PINX1: variants seen among roughly 807,000 people sequenced by gnomAD.
The protein encoded by PINX1 is PIN2 (TERF1) interacting telomerase inhibitor 1, also known as PIN2/TERF1-interacting telomerase inhibitor 1.
PINX1 carries 34 observed loss-of-function variants against 25.4 expected under a neutral mutation model. The ratio of observed to expected loss-of-function variants is 1.34; its 90% confidence interval spans 1.02 to 1.78. The LOEUF is 1.78. PINX1 is among the 40% of genes most tolerant of loss of function. PINX1 has a pLI of 0.00. For synonymous variants in PINX1, 197 were observed against 147.7 expected, an observed-to-expected ratio of 1.33 and a Z score of -2.42; for missense variants, 592 against 404.9, an observed-to-expected ratio of 1.46 and a Z score of -3.97.
intron 6 of PINX1, among the ~76,000 whole-genome samples, chr8:10,817,011 C>A (rs1227146249): frequency 6.6e-6 from 1 of 152,172 alleles, no homozygotes; most frequent in African/African-American, 2.4e-5. Context: ...AATTGGAATT[C>A]TACGATGGCA....
At chr8:10,801,632 G>C (rs1586169621) in intron 6 of PINX1, among the ~76,000 whole-genome samples, 1 of 152,186 alleles carries the variant, frequency 6.6e-6, no homozygotes, top group Non-Finnish European at 1.5e-5. Flanking sequence ...TTTCCAGTGT[G>C]ATCCAAAGTC....
intron 1 of PINX1, among the ~76,000 whole-genome samples, chr8:10,836,015 G>C (rs1798395329): frequency 2.0e-5 from 3 of 152,100 alleles, no homozygotes; most frequent in Non-Finnish European, 4.4e-5. Context: ...GAGAAATTTG[G>C]AGGTGTCATT....
chr8:10,772,590 G>A (rs1284881669), intron 6 of PINX1, among the ~76,000 whole-genome samples: 4 of 152,192 alleles, frequency 2.6e-5, no homozygotes, highest in Admixed American at 6.5e-5. Flanking sequence ...TAGGCTAAAC[G>A]CACCAAGTCT....
At chr8:10,832,481 A>C (rs1222253993) in intron 3 of PINX1, among the ~76,000 whole-genome samples, 1 of 152,192 alleles carries the variant, frequency 6.6e-6, no homozygotes, top group Non-Finnish European at 1.5e-5. Context: ...CTATCCCTCA[A>C]CAACTACATT....
chr8:10,838,517 T>G (rs1798473540), intron 1 of PINX1, among the ~76,000 whole-genome samples: 1 of 152,244 alleles, frequency 6.6e-6, no homozygotes, highest in Non-Finnish European at 1.5e-5. Flanking sequence ...AGAGAAGATT[T>G]TGTGGCCTCA....
intron 4 of PINX1, among the ~76,000 whole-genome samples, chr8:10,826,738 G>A (rs1034832915): frequency 3.3e-5 from 5 of 152,154 alleles, no homozygotes; most frequent in Non-Finnish European, 7.4e-5. Context: ...CTTAGTCAGA[G>A]GTCCATCTAC....
At chr8:10,771,174 T>C (rs1248138861) in intron 6 of PINX1, 1 of 152,244 alleles carries the variant, frequency 6.6e-6, no homozygotes, top group Non-Finnish European at 1.5e-5. Flanking sequence ...ACACAAATTA[T>C]GTCTTCATGT....
At chr8:10,824,100 T>C (rs188165262) in intron 5 of PINX1, among the ~76,000 whole-genome samples, 2 of 152,196 alleles carry the variant, frequency 1.3e-5, no homozygotes, top group Non-Finnish European at 2.9e-5. Flanking sequence ...AAAAGTTCCA[T>C]GAAATGGGTC....
intron 6 of PINX1, among the ~76,000 whole-genome samples, chr8:10,785,639 T>C (rs1801724235): frequency 6.6e-6 from 1 of 152,232 alleles, no homozygotes; most frequent in Admixed American, 6.5e-5. Context: ...TTTTTTCCTC[T>C]AGAACAAAAG....
chr8:10,772,131 G>A (rs1801245813), intron 6 of PINX1, among the ~76,000 whole-genome samples: 1 of 152,254 alleles, frequency 6.6e-6, no homozygotes, highest in African/African-American at 2.4e-5. Context: ...TGCTAAAGAA[G>A]AGAACTGTTC....
intron 6 of PINX1, among the ~76,000 whole-genome samples, chr8:10,816,174 T>C (rs1339915641): frequency 1.3e-5 from 2 of 152,140 alleles, no homozygotes; most frequent in Non-Finnish European, 2.9e-5. Flanking sequence ...AATCCACAAA[T>C]GTGATAAAGG....
chr8:10,830,985 T>G (rs1798211781), intron 4 of PINX1, among the ~76,000 whole-genome samples: 1 of 152,166 alleles, frequency 6.6e-6, no homozygotes, highest in South Asian at 2.1e-4. Context: ...GTTGCAGAGG[T>G]ACCTGCAAAC....
At chr8:10,836,285 GA>G (rs201389181) in intron 1 of PINX1, among the ~76,000 whole-genome samples, 2 of 151,046 alleles carry the variant, frequency 1.3e-5, no homozygotes, top group African/African-American at 2.4e-5. Flanking sequence ...GTGTTTTGCA[GA>G]AAAAAAAAGG....
chr8:10,832,754 G>C, intron 3 of PINX1, 138 bp downstream of exon 3: 2 of 542,012 alleles, frequency 3.7e-6, no homozygotes, highest in Non-Finnish European at 3.4e-6. Flanking sequence ...CATTCAAAGC[G>C]TCAGTGTTCA....
chr8:10,776,063 A>G (rs1012751297), intron 6 of PINX1, among the ~76,000 whole-genome samples: 1 of 152,172 alleles, frequency 6.6e-6, no homozygotes, highest in African/African-American at 2.4e-5. Context: ...TCACAATTCT[A>G]GCATTCATTA....
At chr8:10,834,875 G>A (rs967942909) in intron 1 of PINX1, 100 bp from the exon 2 acceptor site, 3 of 753,134 alleles carry the variant, frequency 4.0e-6, no homozygotes, top group African/African-American at 3.5e-5. Context: ...ATGTATGTAT[G>A]TAAAATATGA....
rs550218454 is a variant in PINX1 at position 10,795,735 on chromosome 8, G to C, written c.471+24458C>G. On this transcript the variant is annotated intron_variant, in intron 6 of 6. Coordinates refer to ENST00000314787, the MANE Select transcript of PINX1 (RefSeq NM_017884.6). ...AAGAAAAAATCCCAAGACTCTCAAA[G>C]CATACTGTATTACCTAAATAGGTAA... 3.9e-5 allele frequency among the ~76,000 whole-genome samples: 6 copies of C among 152,188 alleles called. No homozygotes were observed. The South Asian group carries it at 1.2e-3, about 32-fold the overall frequency.
chr8:10,829,078 G>A (rs779815102), intron 4 of PINX1, among the ~76,000 whole-genome samples: 1 of 152,154 alleles, frequency 6.6e-6, no homozygotes, highest in African/African-American at 2.4e-5. Flanking sequence ...ACAAGGTCAG[G>A]AGTTGGAGAC....
chr8:10,804,995 T>C (rs191810303), intron 6 of PINX1, among the ~76,000 whole-genome samples: 2 of 151,568 alleles, frequency 1.3e-5, no homozygotes, highest in East Asian at 3.9e-4. Flanking sequence ...CGGAATGAAG[T>C]GAAGACTGGT....
Sources: gnomAD v4.1 joint callset for allele counts (sites outside exome capture counted in the v4.1 genomes callset) on GRCh38, gnomAD v4.1.1 for gene constraint, MANE v1.5 for transcripts, NCBI Gene and HGNC (gene_info 2026-07-23, HGNC 2026-07-21) for gene names.